GABRG3: variants seen among roughly 807,000 people sequenced by gnomAD.
The protein encoded by GABRG3 is gamma-aminobutyric acid receptor subunit gamma-3.
GABRG3 carries 25 observed loss-of-function variants against 48.8 expected under a neutral mutation model. The ratio of observed to expected loss-of-function variants is 0.51; its 90% CI spans 0.37 to 0.72. The LOEUF (loss-of-function observed/expected upper bound fraction) is 0.72, where lower values mean the gene tolerates loss of function less well. Ranked by LOEUF, GABRG3 falls within the 30% of genes least tolerant of loss-of-function variation. GABRG3 has a pLI of 0.00. For missense variants in GABRG3, 394 were observed against 577.9 expected, an observed-to-expected ratio of 0.68 and a Z score of 3.26; for synonymous variants, 227 against 217.6, an observed-to-expected ratio of 1.04 and a Z score of -0.38.
intron 5 of GABRG3, among the ~76,000 whole-genome samples, chr15:27,367,031 A>C (rs1895228114): frequency 6.6e-6 from 1 of 152,276 alleles, no homozygotes; most frequent in East Asian, 1.9e-4. Context: ...AGAGGCACCA[A>C]GGAGGCCCCA....
intron 3 of GABRG3, among the ~76,000 whole-genome samples, chr15:27,131,537 A>G (rs1217478515): frequency 1.3e-5 from 2 of 151,926 alleles, no homozygotes; most frequent in African/African-American, 4.8e-5. Context: ...GTCAGGATAA[A>G]CCCAACCTCA....
At chr15:27,085,063 A>G (rs1189543528) in intron 3 of GABRG3, among the ~76,000 whole-genome samples, 1 of 152,326 alleles carries the variant, frequency 6.6e-6, no homozygotes, top group African/African-American at 2.4e-5. Flanking sequence ...CTTATTCGAT[A>G]CTCAGCAGGT....
intron 3 of GABRG3, among the ~76,000 whole-genome samples, chr15:27,316,443 G>GA (rs1175643883): frequency 2.2e-5 from 3 of 136,510 alleles, no homozygotes; most frequent in Non-Finnish European, 4.8e-5. Context: ...AAGTTGAAAA[G>GA]AAAATGTGTC....
intron 3 of GABRG3, among the ~76,000 whole-genome samples, chr15:27,256,524 G>A (rs1006085238): frequency 6.6e-6 from 1 of 151,870 alleles, no homozygotes; most frequent in African/African-American, 2.4e-5. Flanking sequence ...AAGGGGGCTG[G>A]GATCAAGATA....
At chr15:27,488,927 C>A (rs1416987325) in intron 6 of GABRG3, among the ~76,000 whole-genome samples, 1 of 152,052 alleles carries the variant, frequency 6.6e-6, no homozygotes, top group African/African-American at 2.4e-5. Flanking sequence ...ATGTGCAGAA[C>A]CTGCAGGTTT....
chr15:27,236,803 A>G lies in GABRG3; in HGVS notation c.271-90006A>G, dbSNP rs112995761. Reference sequence around the variant, plus strand: ...CATTTTTTTAACATGGGTCCCATGAAGAGGCATGAAGCGCAATTGCACGTG... The same window carrying G: ...CATTTTTTTAACATGGGTCCCATGAGGAGGCATGAAGCGCAATTGCACGTG... On this transcript the variant is annotated intron_variant, in intron 3 of 9. Transcript: ENST00000615808. This position sits in a 1 kb window ranked among gnomAD's most constrained non-coding sequence, Gnocchi z 4.4. Among the ~76,000 whole-genome samples, 791 of 152,340 alleles carry G rather than the reference A, an allele frequency of 5.2e-3. 4 individuals are homozygous for G. Among genetic ancestry groups the G allele is most frequent in the African/African-American group, 0.017 (726 of 41,576 alleles).
At chr15:27,004,549 G>A (rs1398702681) in intron 2 of GABRG3, among the ~76,000 whole-genome samples, 4 of 151,872 alleles carry the variant, frequency 2.6e-5, no homozygotes, top group African/African-American at 4.8e-5. Context: ...ACGGGGTGGC[G>A]GCCGGGCAGA....
intron 3 of GABRG3, among the ~76,000 whole-genome samples, chr15:27,204,966 A>G (rs1322269454): frequency 6.6e-6 from 1 of 152,168 alleles, no homozygotes; most frequent in Non-Finnish European, 1.5e-5. Flanking sequence ...TTTTCTGGGT[A>G]TAGAATCATA....
At chr15:27,413,168 TA>T (rs900184522) in intron 5 of GABRG3, among the ~76,000 whole-genome samples, 1 of 152,170 alleles carries the variant, frequency 6.6e-6, no homozygotes, top group Middle Eastern at 3.2e-3. Flanking sequence ...TAGCAGTGTT[TA>T]AAAAAAGTTT....
chr15:27,196,018 C>CT lies in GABRG3; in HGVS notation c.271-130785dup, dbSNP rs1354676162. Among the ~76,000 whole-genome samples the CT allele has an allele frequency of 2.6e-5, 4 of 152,224 alleles. No individual in the cohort carries two copies. The East Asian group carries it at 7.7e-4, about 29-fold the overall frequency. ...TATGAGACTCTGGATTCTGTATATA[C>CT]TTTTTTCACAGGCATCTTCCCTTGG... On this transcript the variant is annotated intron_variant, in intron 3 of 9. Coordinates refer to ENST00000615808, the MANE Select transcript of GABRG3 (RefSeq NM_033223.5).
intron 5 of GABRG3, among the ~76,000 whole-genome samples, chr15:27,367,402 C>CA (rs1895245583): frequency 1.3e-5 from 2 of 152,106 alleles, no homozygotes; most frequent in African/African-American, 4.8e-5. Context: ...TGTCCAAAAG[C>CA]AAAAAATAGT....
intron 3 of GABRG3, among the ~76,000 whole-genome samples, chr15:27,248,406 G>T (rs1054163373): frequency 6.6e-6 from 1 of 152,102 alleles, no homozygotes; most frequent in Non-Finnish European, 1.5e-5. Context: ...TTGACCTCTG[G>T]CCTCCCACTA....
At chr15:27,196,826 G>GGTAA (rs1444981683) in intron 3 of GABRG3, among the ~76,000 whole-genome samples, 79 of 152,358 alleles carry the variant, frequency 5.2e-4, no homozygotes, top group African/African-American at 1.9e-3. Flanking sequence ...CAGGATTGTT[G>GGTAA]TGAAGCCTAA....
chr15:27,162,880 C>G (rs1442309752), intron 3 of GABRG3, among the ~76,000 whole-genome samples: 2 of 152,040 alleles, frequency 1.3e-5, no homozygotes, highest in Non-Finnish European at 2.9e-5. Flanking sequence ...AATCCTCTTA[C>G]TTATTTGATC....
intron 3 of GABRG3, among the ~76,000 whole-genome samples, chr15:27,078,687 G>T (rs1566928967): frequency 6.6e-6 from 1 of 152,162 alleles, no homozygotes; most frequent in African/African-American, 2.4e-5. Flanking sequence ...GTGTCTTCTT[G>T]ATTCCTTTGT....
At chr15:27,080,977 C>A (rs112425450) in intron 3 of GABRG3, among the ~76,000 whole-genome samples, 1 of 152,048 alleles carries the variant, frequency 6.6e-6, no homozygotes, top group Non-Finnish European at 1.5e-5. Flanking sequence ...AGAGACCTCT[C>A]GGAGAAGAGG....
Position 27,232,838 on chromosome 15 carries a change from A to C in GABRG3, c.271-93971A>C, listed in dbSNP as rs1397488344. Among the ~76,000 whole-genome samples, 4 of 152,252 alleles carry C rather than the reference A, an allele frequency of 2.6e-5. No homozygotes were observed. In the East Asian group the frequency reaches 7.7e-4, roughly 29 times the overall value. ...CCTTCTGAAATAAGATGAAATAGTC[A>C]GGCCCATGGTGGTTAAATTTGTTCC... is the stretch of plus-strand genomic sequence containing the variant. On this transcript the variant is annotated intron_variant, in intron 3 of 9. Coordinates refer to ENST00000615808, the MANE Select transcript of GABRG3 (RefSeq NM_033223.5).
intron 3 of GABRG3, among the ~76,000 whole-genome samples, chr15:27,088,608 G>A (rs1333271741): frequency 6.6e-6 from 1 of 152,138 alleles, no homozygotes; most frequent in African/African-American, 2.4e-5. Flanking sequence ...GGAGGCCTCG[G>A]AAACTCACAA....
At chr15:27,037,580 G>T (rs7179683) in intron 3 of GABRG3, among the ~76,000 whole-genome samples, 19,319 of 152,024 alleles carry the variant, frequency 0.13, 1,348 homozygotes, top group East Asian at 0.22. Flanking sequence ...GCAGCTGCAG[G>T]CATATCCCCT....
Sources: allele counts gnomAD v4.1 joint callset (sites outside exome capture counted in the v4.1 genomes callset), GRCh38; gene constraint gnomAD v4.1.1; non-coding constraint Gnocchi (gnomAD v3.1); transcripts MANE v1.5; gene names NCBI Gene and HGNC (gene_info 2026-07-23, HGNC 2026-07-21).